Variants in CERS6 observed in about 807,000 individuals in gnomAD.
CERS6 encodes the protein LAG1 homolog, ceramide synthase 6.
In CERS6, 26 loss-of-function variants were observed where a neutral mutation model predicts 56.8. The ratio of observed to expected loss-of-function variants is 0.46; its 90% CI spans 0.34 to 0.63. The LOEUF (loss-of-function observed/expected upper bound fraction) is 0.63. CERS6 is among the 30% of genes least tolerant of loss of function. The pLI is 0.01. For synonymous variants in CERS6, 164 were observed against 173.3 expected (o/e 0.95, Z 0.42); for missense variants, 415 against 467.5 (o/e 0.89, Z 1.04).
chr2:168,543,126 T>C (rs1695403519), intron 1 of CERS6, among the ~76,000 whole-genome samples: 2 of 152,238 alleles, frequency 1.3e-5, no homozygotes. Flanking sequence ...AAAGTAGCAG[T>C]GTCTTAGGTT....
At position 168,547,676 on chromosome 2, in the gene CERS6, A is replaced by G. The variant is rs781274269; in HGVS notation, c.251A>G (p.Glu84Gly). 1 of 1,611,400 alleles carries G rather than the reference A, an allele frequency of 6.2e-7. No homozygotes were observed. Among genetic ancestry groups the G allele is most frequent in the South Asian group, 1.1e-5 (1 of 91,006 alleles). ...PQIAPPNAILEKVFTAITKHP... is the reference protein window; with the variant it reads ...PQIAPPNAILGKVFTAITKHP... ...ATTGCTCCGCCCAATGCCATTCTGG[A>G]AAAGGTCTTCACTGCAATTACAAAG... is the stretch of plus-strand genomic sequence containing the variant. The change falls in exon 2 of 10, where the codon GAA becomes GGA. Residue 84 changes from glutamate (E) to glycine (G), a missense_variant. By Grantham distance (98) the Glu-to-Gly change is moderately conservative. Transcript: ENST00000305747.
chr2:168,655,963 A>G (rs1308718783), intron 4 of CERS6, among the ~76,000 whole-genome samples: 3 of 152,244 alleles, frequency 2.0e-5, no homozygotes, highest in Non-Finnish European at 2.9e-5. Context: ...ATCCCATAAC[A>G]TCATGTTGTA....
intron 4 of CERS6, among the ~76,000 whole-genome samples, chr2:168,643,155 A>T (rs10199120): frequency 6.6e-6 from 1 of 152,042 alleles, no homozygotes; most frequent in East Asian, 1.9e-4. Context: ...TGTTCCTCCT[A>T]ATCACAGCCC....
intron 3 of CERS6, among the ~76,000 whole-genome samples, chr2:168,613,997 G>C (rs1003018813): frequency 2.0e-5 from 3 of 152,234 alleles, no homozygotes; most frequent in Admixed American, 6.5e-5. Flanking sequence ...TTGTAATGGG[G>C]TTGGATTTTG....
intron 3 of CERS6, among the ~76,000 whole-genome samples, chr2:168,595,235 A>C (rs1320721223): frequency 2.6e-5 from 4 of 152,224 alleles, no homozygotes; most frequent in Non-Finnish European, 4.4e-5. Flanking sequence ...GACAAGGAGC[A>C]CATGTATCCT....
intron 4 of CERS6, among the ~76,000 whole-genome samples, chr2:168,644,820 G>A (rs145889346): frequency 0.025 from 3,729 of 151,864 alleles, 151 homozygotes; most frequent in African/African-American, 0.081. Flanking sequence ...TAGGCTGGGC[G>A]CGGTGGCTCA....
At chr2:168,576,012 G>A (rs1057010774) in intron 3 of CERS6, among the ~76,000 whole-genome samples, 4 of 152,132 alleles carry the variant, frequency 2.6e-5, no homozygotes, top group Non-Finnish European at 4.4e-5. Context: ...GCGTTTATTT[G>A]TGGTAACAGG....
chr2:168,697,411 T>C (rs959081280), intron 6 of CERS6, among the ~76,000 whole-genome samples: 7 of 152,196 alleles, frequency 4.6e-5, no homozygotes, highest in Non-Finnish European at 8.8e-5. Context: ...GGTCATGTAG[T>C]GTCAATACAT....
intron 8 of CERS6, among the ~76,000 whole-genome samples, chr2:168,745,747 G>C (rs780856287): frequency 7.9e-5 from 12 of 152,162 alleles, no homozygotes; most frequent in Non-Finnish European, 1.3e-4. Flanking sequence ...AGAAGTCTGG[G>C]TTCAGTGTAG....
At chr2:168,505,401 A>AG (rs374420640) in intron 1 of CERS6, among the ~76,000 whole-genome samples, 3 of 149,480 alleles carry the variant, frequency 2.0e-5, no homozygotes, top group African/African-American at 7.4e-5. Context: ...AAAAAAAAAA[A>AG]GAAAAAAAAA....
rs1559055615 is a variant in CERS6, at chr2:168,695,071, A to G, written c.609+20A>G. On this transcript the variant is annotated intron_variant, in intron 6 of 9. Coordinates refer to ENST00000305747, the MANE Select transcript of CERS6 (RefSeq NM_203463.3). ...AGAAAGGTAAGAGCGGTTATGTCGT[A>G]AAGTGCTTGCAAGCATGCATCTTTA... is the stretch of plus-strand genomic sequence containing the variant. 1 of 1,593,040 alleles carries G rather than the reference A, an allele frequency of 6.3e-7. No individual in the cohort carries two copies. Among genetic ancestry groups the G allele is most frequent in the East Asian group, 2.2e-5 (1 of 44,796 alleles).
chr2:168,458,577 A>C (rs1229993192), intron 1 of CERS6, among the ~76,000 whole-genome samples: 1 of 152,224 alleles, frequency 6.6e-6, no homozygotes, highest in Admixed American at 6.5e-5. Context: ...AGCTGCTTTC[A>C]ATTGTCAGTC....
chr2:168,609,889 A>G (rs1418683448), intron 3 of CERS6, among the ~76,000 whole-genome samples: 1 of 151,474 alleles, frequency 6.6e-6, no homozygotes, highest in African/African-American at 2.4e-5. Context: ...TTTTTTTCCC[A>G]GTGACACTAG....
At chr2:168,555,496 G>A (rs992837676) in intron 2 of CERS6, among the ~76,000 whole-genome samples, 1 of 151,792 alleles carries the variant, frequency 6.6e-6, no homozygotes, top group Non-Finnish European at 1.5e-5. Context: ...CAATGAGTTA[G>A]CAAAACTATA....
intron 6 of CERS6, among the ~76,000 whole-genome samples, chr2:168,708,315 C>G (rs976164157): frequency 1.3e-5 from 2 of 152,106 alleles, no homozygotes; most frequent in Admixed American, 6.6e-5. Flanking sequence ...CGCCAGCATT[C>G]TGAGTTTTAT....
chr2:168,502,192 A>G (rs1422001058), intron 1 of CERS6, among the ~76,000 whole-genome samples: 1 of 151,858 alleles, frequency 6.6e-6, no homozygotes, highest in Non-Finnish European at 1.5e-5. Context: ...AATGGGTCAG[A>G]TTAAAATCTG....
chr2:168,660,649 A>C (rs1248855324), intron 4 of CERS6, among the ~76,000 whole-genome samples: 1 of 151,928 alleles, frequency 6.6e-6, no homozygotes, highest in East Asian at 1.9e-4. Flanking sequence ...TGTCTTCTTT[A>C]TGAGAAAAAC....
chr2:168,594,617 A>G (rs892334592), intron 3 of CERS6, among the ~76,000 whole-genome samples: 2 of 152,078 alleles, frequency 1.3e-5, no homozygotes, highest in African/African-American at 4.8e-5. Flanking sequence ...AATATTTACT[A>G]CATGCCTGCC....
chr2:168,666,336 C>G (rs2105333882), intron 4 of CERS6, among the ~76,000 whole-genome samples: 1 of 152,312 alleles, frequency 6.6e-6, no homozygotes, highest in Non-Finnish European at 1.5e-5. Context: ...CTCCCTAGAC[C>G]TGGCAACCAC....
Sources: allele counts gnomAD v4.1 joint callset (sites outside exome capture counted in the v4.1 genomes callset), GRCh38; gene constraint gnomAD v4.1.1; transcripts MANE v1.5; gene names NCBI Gene and HGNC (gene_info 2026-07-23, HGNC 2026-07-21).